The following ITIH5 variants were observed in gnomAD, a reference collection of about 807,000 sequenced individuals.
ITIH5 encodes inter-alpha-trypsin inhibitor heavy chain 5.
A neutral mutation model predicts 77.5 loss-of-function variants in ITIH5; 65 were observed. The observed-to-expected ratio is 0.84, with a 90% CI of 0.69 to 1.03. ITIH5 has a LOEUF of 1.03. Among genes scored for constraint, ITIH5 ranks in the 50% least tolerant of loss-of-function variants. ITIH5 has a pLI of 0.00. For synonymous variants in ITIH5, 525 were observed against 494.3 expected, an observed-to-expected ratio of 1.06 and a Z score of -0.82; for missense variants, 1,208 against 1,213.1, an observed-to-expected ratio of 1.00 and a Z score of 0.06.
In ITIH5 at chr10:7,637,479, C is replaced by G. The variant is rs747628441; in HGVS notation, c.402-1G>C. 1 of 1,613,234 alleles carries G rather than the reference C, an allele frequency of 6.2e-7. No individual in the cohort carries two copies. ...TCTGAATATTTCAGTCCCCTTCTCT[C>G]TGTCAGGAAAAAGGAAAAGGACCCC... On this transcript the variant is annotated splice_acceptor_variant, in intron 4 of 13. Transcript: ENST00000397146. LOFTEE classifies it high-confidence loss of function.
At chr10:7,594,884 G>A (rs1258896601) in intron 7 of ITIH5, among the ~76,000 whole-genome samples, 2 of 152,162 alleles carry the variant, frequency 1.3e-5, no homozygotes, top group Non-Finnish European at 2.9e-5. Context: ...GGGCACCTGT[G>A]GGCCTCACTG....
At chr10:7,625,823 A>C (rs1247900271) in intron 5 of ITIH5, among the ~76,000 whole-genome samples, 1 of 151,968 alleles carries the variant, frequency 6.6e-6, no homozygotes, top group African/African-American at 2.4e-5. Context: ...TAAGATGGTA[A>C]ATTTTACATT....
intron 2 of ITIH5, among the ~76,000 whole-genome samples, chr10:7,650,736 CAA>C (rs375912133): frequency 7.7e-5 from 9 of 116,324 alleles, no homozygotes; most frequent in Non-Finnish European, 5.5e-5. Context: ...AACTCCATCT[CAA>C]AAAAAAAAAA....
At chr10:7,574,815 C>CAA (rs59641105) in intron 10 of ITIH5, among the ~76,000 whole-genome samples, 104 of 139,010 alleles carry the variant, frequency 7.5e-4, no homozygotes, top group African/African-American at 2.2e-3. Context: ...AAAAAAAAAG[C>CAA]AAAAAAAAAC....
intron 1 of ITIH5, among the ~76,000 whole-genome samples, chr10:7,660,364 G>A (rs1834257092): frequency 6.6e-6 from 1 of 152,140 alleles, no homozygotes; most frequent in African/African-American, 2.4e-5. Flanking sequence ...GAAAGTGAAA[G>A]AGAATCAGGT....
chr10:7,596,467 G>A (rs1230769860), intron 7 of ITIH5, among the ~76,000 whole-genome samples: 1 of 152,134 alleles, frequency 6.6e-6, no homozygotes, highest in African/African-American at 2.4e-5. Context: ...CATATTTGAT[G>A]GGAACTAACC....
At chr10:7,602,097 G>A (rs964625947) in intron 7 of ITIH5, among the ~76,000 whole-genome samples, 56 of 151,994 alleles carry the variant, frequency 3.7e-4, no homozygotes, top group South Asian at 4.1e-4. Flanking sequence ...CAGGTGATCC[G>A]CCTGCCTCAG....
intron 8 of ITIH5, among the ~76,000 whole-genome samples, chr10:7,584,363 G>T (rs1329004290): frequency 1.3e-5 from 2 of 150,086 alleles, no homozygotes; most frequent in African/African-American, 2.5e-5. Context: ...GAGTGCACTG[G>T]CATGATCTTG....
intron 7 of ITIH5, among the ~76,000 whole-genome samples, chr10:7,603,364 C>T (rs1425411224): frequency 6.6e-6 from 1 of 152,090 alleles, no homozygotes; most frequent in Non-Finnish European, 1.5e-5. Context: ...AGACAGGAAG[C>T]CGACTAGTAG....
At position 7,579,860 on chromosome 10, in the gene ITIH5, A is replaced by G. The variant is rs531203526; in HGVS notation, c.1313T>C (p.Ile438Thr). 9.9e-6 allele frequency: 16 copies of G among 1,614,176 alleles called. No individual in the cohort carries two copies. In the East Asian group the frequency reaches 3.6e-4, roughly 36 times the overall value. The part of the protein sequence containing the change: ...RGQVCIFTIG[I>T]GNDVDFRLLE... ...CAGCCTGAAGTCCACGTCGTTGCCG[A>G]TGCCAATGGTGAAGATGCAGACTTG... The change falls in exon 9 of 14, where the codon ATC becomes ACC. Residue 438 changes from isoleucine to threonine, a missense_variant. Coordinates refer to ENST00000397146, the MANE Select transcript of ITIH5 (RefSeq NM_030569.7).
At chr10:7,624,855 GTGTATATA>G (rs1322756664) in intron 5 of ITIH5, among the ~76,000 whole-genome samples, 1 of 90,424 alleles carries the variant, frequency 1.1e-5, no homozygotes. Context: ...ACATATATAT[GTGTATATA>G]TGTATATATG....
In ITIH5 at chr10:7,579,785, T is replaced by G. The variant is rs1832503173; in HGVS notation, c.1388A>C (p.Glu463Ala). ...ENCGLTRRVH[E>A]EEDAGSQLIG... ...GAGCTGCGAGCCTGCGTCCTCCTCC[T>G]CGTGCACGCGCCGTGTGAGGCCACA... Residue 463 changes from glutamate (E) to alanine (A), a missense_variant, in exon 9 of 14, where the codon GAG becomes GCG. Transcript: ENST00000397146. 6 of 1,613,906 alleles carry G rather than the reference T, an allele frequency of 3.7e-6. No homozygotes were observed. In the South Asian group the frequency reaches 6.6e-5, roughly 18 times the overall value.
At chr10:7,623,492 G>A (rs1833506878) in intron 5 of ITIH5, among the ~76,000 whole-genome samples, 1 of 152,162 alleles carries the variant, frequency 6.6e-6, no homozygotes, top group Non-Finnish European at 1.5e-5. Context: ...CAATGACGAT[G>A]AGAAGGAATT....
intron 5 of ITIH5, chr10:7,618,895 C>A (rs1377458198): frequency 1.3e-5 from 2 of 152,172 alleles, no homozygotes; most frequent in Non-Finnish European, 1.5e-5. Flanking sequence ...TTAGGTGTAA[C>A]CTTAACAGGA....
chr10:7,597,086 CCT>C (rs1203548946), intron 7 of ITIH5, among the ~76,000 whole-genome samples: 3 of 131,346 alleles, frequency 2.3e-5, no homozygotes. Flanking sequence ...AAATCAAAGA[CCT>C]TCTAAAAGCC....
intron 1 of ITIH5, among the ~76,000 whole-genome samples, chr10:7,657,593 T>C (rs1303442100): frequency 6.6e-6 from 1 of 152,310 alleles, no homozygotes; most frequent in East Asian, 1.9e-4. Flanking sequence ...GATACATTGA[T>C]TAATTACCAC....
chr10:7,655,736 G>T, intron 1 of ITIH5, 61 bp from the exon 2 acceptor site: 2 of 1,269,626 alleles, frequency 1.6e-6, no homozygotes, highest in South Asian at 1.2e-5. Flanking sequence ...CATGAAATAT[G>T]ATTGTGAGGT....
At chr10:7,644,660 A>G (rs1338779339) in intron 2 of ITIH5, among the ~76,000 whole-genome samples, 7 of 139,392 alleles carry the variant, frequency 5.0e-5, no homozygotes, top group African/African-American at 1.6e-4. Context: ...TATCACATAT[A>G]TATCATATAT....
intron 10 of ITIH5, among the ~76,000 whole-genome samples, chr10:7,573,676 A>AG (rs1404197266): frequency 6.6e-6 from 1 of 150,528 alleles, no homozygotes; most frequent in Non-Finnish European, 1.5e-5. Flanking sequence ...ACTGTCTCAA[A>AG]AAAAAAAAAA....
Sources: gnomAD v4.1 joint callset for allele counts (sites outside exome capture counted in the v4.1 genomes callset) on GRCh38, gnomAD v4.1.1 for gene constraint, MANE v1.5 for transcripts, NCBI Gene and HGNC (gene_info 2026-07-23, HGNC 2026-07-21) for gene names.